The following YJU2B variants were observed in gnomAD, a reference collection of about 807,000 sequenced individuals.
YJU2B encodes the protein probable splicing factor YJU2B.
In YJU2B, 18 loss-of-function variants were observed where a neutral mutation model predicts 38.0. The observed-to-expected ratio is 0.47, with a 90% CI of 0.33 to 0.70. The LOEUF (loss-of-function observed/expected upper bound fraction) is 0.70. YJU2B is among the 30% of genes least tolerant of loss of function. The pLI is 0.02. For synonymous variants in YJU2B, 246 were observed against 225.4 expected, an observed-to-expected ratio of 1.09 and a Z score of -0.82; for missense variants, 538 against 556.3, an observed-to-expected ratio of 0.97 and a Z score of 0.33.
intron 6 of YJU2B, 142 bp downstream of exon 6, chr19:13,757,988 CA>C: frequency 1.5e-6 from 1 of 676,684 alleles, no homozygotes; most frequent in South Asian, 1.8e-5. Context: ...GGGCACACCC[CA>C]CCCCCGCAAC....
chr19:13,755,698 G>T (rs192539442), intron 3 of YJU2B, among the ~76,000 whole-genome samples: 1 of 151,218 alleles, frequency 6.6e-6, no homozygotes, highest in Non-Finnish European at 1.5e-5. Flanking sequence ...GCTCACACCC[G>T]GAATCCCAGC....
intron 2 of YJU2B, among the ~76,000 whole-genome samples, chr19:13,742,581 C>T (rs151260859): frequency 9.9e-5 from 15 of 152,282 alleles, no homozygotes; most frequent in South Asian, 4.1e-4. Flanking sequence ...CCTATGCCTT[C>T]CTTTCCCTGT....
intron 2 of YJU2B, among the ~76,000 whole-genome samples, chr19:13,734,768 T>C (rs1255373778): frequency 6.6e-6 from 1 of 151,778 alleles, no homozygotes; most frequent in Non-Finnish European, 1.5e-5. Flanking sequence ...GGTTTTTGGT[T>C]TTAGTTTTGG....
intron 3 of YJU2B, among the ~76,000 whole-genome samples, chr19:13,754,594 G>T (rs1011254196): frequency 8.5e-5 from 13 of 152,054 alleles, no homozygotes; most frequent in Admixed American, 7.9e-4. Flanking sequence ...AAGGCAGAGC[G>T]CACAGATGAA....
In YJU2B at chr19:13,759,025, CT is replaced by C. The variant is rs1172991002; in HGVS notation, c.400+17del. 3.7e-6 allele frequency: 6 copies of C among 1,612,184 alleles called. No homozygotes were observed. Among genetic ancestry groups the C allele is most frequent in the Non-Finnish European group, 4.2e-6 (5 of 1,179,080 alleles). ...GCTGACCACAGGTGAGCGCCACCCA[CT>C]TACCTGCCTGGGGGCCCTGGCCCTG... is the stretch of plus-strand genomic sequence containing the variant. On this transcript the variant is annotated intron_variant, in intron 7 of 9. Coordinates refer to ENST00000221554, the MANE Select transcript of YJU2B (RefSeq NM_030818.4).
intron 1 of YJU2B, among the ~76,000 whole-genome samples, chr19:13,750,628 G>C (rs1271349603): frequency 1.3e-5 from 2 of 151,936 alleles, no homozygotes; most frequent in African/African-American, 4.8e-5. Flanking sequence ...GGAGGCCCTA[G>C]GTGTGTGGAT....
At chr19:13,762,483 T>G in intron 9 of YJU2B, 46 bp downstream of exon 9, 7 of 1,597,708 alleles carry the variant, frequency 4.4e-6, no homozygotes, top group Non-Finnish European at 6.0e-6. Context: ...GGCTCAGAGT[T>G]GCCTGGAGAT....
Position 13,763,151 on chromosome 19 carries a change from T to TCGAGC in YJU2B, c.*85_*86insAGCCG. ...CCCTCACAGACTGCAGACCCCCGGCTCGCCCACCAGCCCTGGGAGAGCTCA... is the reference window on the plus strand; with the variant it reads ...CCCTCACAGACTGCAGACCCCCGGCTCGAGCCGCCCACCAGCCCTGGGAGAGCTCA... On this transcript the variant is annotated 3_prime_UTR_variant, in exon 10 of 10. Coordinates refer to ENST00000221554, the MANE Select transcript of YJU2B (RefSeq NM_030818.4). 1 of 1,194,820 alleles carries TCGAGC rather than the reference T, an allele frequency of 8.4e-7. No homozygotes were observed. Among genetic ancestry groups the TCGAGC allele is most frequent in the Non-Finnish European group, 1.2e-6 (1 of 860,154 alleles). 74.0% of individuals were successfully genotyped at this position (1,194,820 alleles called of 1,614,324 possible). A position where few individuals can be genotyped will look rare whatever the true frequency, so the allele number is the denominator to read the frequency against.
chr19:13,753,636 G>C (rs1168748460), intron 2 of YJU2B, among the ~76,000 whole-genome samples: 1 of 151,332 alleles, frequency 6.6e-6, no homozygotes, highest in Non-Finnish European at 1.5e-5. Context: ...AAGGAAAGAG[G>C]TTTAATTGAC....
chr19:13,747,256 TC>T (rs1472623105), upstream of YJU2B, among the ~76,000 whole-genome samples: 1 of 152,178 alleles, frequency 6.6e-6, no homozygotes, highest in East Asian at 1.9e-4. Context: ...AAAGCGCATA[TC>T]CCTGTGTTCC....
In YJU2B at chr19:13,758,628, T is replaced by C. The variant is rs1190323367; in HGVS notation, c.258-240T>C. 2.6e-5 allele frequency among the ~76,000 whole-genome samples: 4 copies of C among 152,188 alleles called. No homozygotes were observed. In the East Asian group the frequency reaches 7.7e-4, roughly 29 times the overall value. On this transcript the variant is annotated intron_variant, in intron 6 of 9. Coordinates refer to ENST00000221554, the MANE Select transcript of YJU2B (RefSeq NM_030818.4). The stretch of plus-strand genomic sequence containing the variant: ...CCAAAAAAATGGATGAGGGAATGAA[T>C]GAATGAACAAACAGCTGAATGAACA...
intron 2 of YJU2B, among the ~76,000 whole-genome samples, chr19:13,735,790 C>T (rs1302795246): frequency 6.6e-6 from 1 of 152,000 alleles, no homozygotes; most frequent in Non-Finnish European, 1.5e-5. Flanking sequence ...CGGTGGCTCA[C>T]GCCTGTAATC....
intron 3 of YJU2B, 98 bp from the exon 4 acceptor site, chr19:13,756,099 A>G: frequency 1.1e-6 from 1 of 928,406 alleles, no homozygotes; most frequent in Non-Finnish European, 1.8e-6. Flanking sequence ...GGCCTCTCCC[A>G]CCTGTGAGAC....
intron 1 of YJU2B, among the ~76,000 whole-genome samples, chr19:13,751,107 T>C (rs1341631754): frequency 6.6e-6 from 1 of 151,722 alleles, no homozygotes; most frequent in Admixed American, 6.6e-5. Flanking sequence ...AGCAGGAGAG[T>C]GACACGTTTG....
rs1026540963 is a variant in YJU2B, at chr19:13,758,969, A to G, written c.359A>G (p.Glu120Gly). Reference sequence around the variant, plus strand: ...GTGAGTGGCGCCCAGCGCAAGGAGGAGCGCTGGGACATGGCGGACAATGAG... The same window carrying G: ...GTGAGTGGCGCCCAGCGCAAGGAGGGGCGCTGGGACATGGCGGACAATGAG... The part of the protein sequence containing the change: ...VIVSGAQRKE[E>G]RWDMADNEQV... Residue 120 changes from glutamate (E) to glycine (G), a missense_variant, in exon 7 of 10, where the codon GAG becomes GGG. Glu to Gly is a moderately conservative substitution (Grantham distance 98, BLOSUM62 -2). Transcript: ENST00000221554. 1.9e-6 allele frequency: 3 copies of G among 1,613,760 alleles called. No individual in the cohort carries two copies. The highest frequency in any genetic ancestry group is 3.3e-5 in the Admixed American group (2 of 59,946).
intron 2 of YJU2B, among the ~76,000 whole-genome samples, chr19:13,742,398 G>T (rs1348762628): frequency 1.3e-5 from 2 of 150,922 alleles, no homozygotes; most frequent in African/African-American, 2.4e-5. Context: ...CGCCTCCCGG[G>T]TTCAAGCGAT....
At chr19:13,733,896 G>A (rs1408786083) in intron 2 of YJU2B, among the ~76,000 whole-genome samples, 6 of 152,258 alleles carry the variant, frequency 3.9e-5, no homozygotes, top group African/African-American at 1.4e-4. Flanking sequence ...TCACTAAATA[G>A]ATTTGAATTC....
chr19:13,757,694 C>G lies in YJU2B; in HGVS notation c.197-92C>G. 2.2e-6 allele frequency: 3 copies of G among 1,340,792 alleles called. No individual in the cohort carries two copies. In the South Asian group the frequency reaches 3.5e-5, roughly 16 times the overall value. The allele number at this position is 1,340,792 out of a possible 1,614,324, so 83.1% of individuals were successfully genotyped here. A position where few individuals can be genotyped will look rare whatever the true frequency, so the allele number is the denominator to read the frequency against. ...CTCCTCCTAGTTGGGGAACCCTCAG[C>G]AAGTGACAGTGAGCCTCTTTGTACC... is the stretch of plus-strand genomic sequence containing the variant. On this transcript the variant is annotated intron_variant, in intron 5 of 9. Transcript: ENST00000221554.
At chr19:13,754,821 C>T (rs766531494) in intron 3 of YJU2B, among the ~76,000 whole-genome samples, 23 of 152,132 alleles carry the variant, frequency 1.5e-4, no homozygotes, top group Admixed American at 6.6e-5. Flanking sequence ...CATTTATTTG[C>T]GTCTTGTCCA....
Sources: allele counts gnomAD v4.1 joint callset (sites outside exome capture counted in the v4.1 genomes callset), GRCh38; gene constraint gnomAD v4.1.1; transcripts MANE v1.5; gene names NCBI Gene and HGNC (gene_info 2026-07-23, HGNC 2026-07-21).